The following ELN variants were observed in gnomAD, a reference collection of about 807,000 sequenced individuals.
ELN encodes the protein tropoelastin.
In ELN, 65 loss-of-function variants were observed where a neutral mutation model predicts 105.8. That is an observed-to-expected ratio of 0.61 (90% CI 0.50 to 0.75). The LOEUF (loss-of-function observed/expected upper bound fraction) is 0.75. Ranked by LOEUF, ELN falls within the 30% of genes least tolerant of loss-of-function variation. ELN has a pLI of 0.00. For missense variants in ELN, 882 were observed against 969.4 expected (o/e 0.91, Z 1.20); for synonymous variants, 368 against 389.2 (o/e 0.95, Z 0.64).
At chr7:74,060,744 C>T (rs917216759) in intron 25 of ELN, 3 of 1,122,574 alleles carry the variant, frequency 2.7e-6, no homozygotes, top group Non-Finnish European at 3.7e-6. Context: ...GGGCTCCAGA[C>T]TGAGAAAAAG....
chr7:74,065,827 C>T (rs1797812921), intron 30 of ELN, 95 bp downstream of exon 30: 1 of 1,610,100 alleles, frequency 6.2e-7, no homozygotes, highest in Non-Finnish European at 8.5e-7. Flanking sequence ...CTCCCTCTGG[C>T]TCCCCCTACC....
chr7:74,066,082 G>C (rs369025027), intron 31 of ELN, 85 bp downstream of exon 31: 1 of 1,589,448 alleles, frequency 6.3e-7, no homozygotes, highest in East Asian at 2.2e-5. Flanking sequence ...GGGACTCCCA[G>C]AGCCCATGTC....
intron 29 of ELN, among the ~76,000 whole-genome samples, chr7:74,064,231 C>T (rs1363870125): frequency 2.2e-4 from 33 of 150,424 alleles, no homozygotes; most frequent in South Asian, 8.4e-4. Context: ...CTGGCTAACA[C>T]AGTGAAACCC....
At chr7:74,065,056 T>G (rs1797631910) in intron 29 of ELN, among the ~76,000 whole-genome samples, 1 of 149,612 alleles carries the variant, frequency 6.7e-6, no homozygotes, top group Admixed American at 6.7e-5. Context: ...GCCTGGACAA[T>G]GTAGCAAGAC....
At position 74,057,387 on chromosome 7, in the gene ELN, G is replaced by A. The variant is rs370619098; in HGVS notation, c.1358-253G>A. The stretch of plus-strand genomic sequence containing the variant: ...AAAGTTCTCCACTCCCCGAGGTGCT[G>A]CAGGAGCAGGAGTGCTGGGTGGGCT... On this transcript the variant is annotated intron_variant, in intron 21 of 32. Transcript: ENST00000252034. The A allele has an allele frequency of 1.7e-3, 2,610 of 1,500,558 alleles. 1 individual carries two copies. Among genetic ancestry groups the A allele is most frequent in the Middle Eastern group, 2.5e-3 (14 of 5,590 alleles). The allele number at this position is 1,500,558 out of a possible 1,614,324, so 93.0% of individuals were successfully genotyped here.
chr7:74,060,568 A>C (rs782746441), intron 25 of ELN, 67 bp downstream of exon 25: 2 of 1,611,732 alleles, frequency 1.2e-6, no homozygotes, highest in South Asian at 2.2e-5. Context: ...TCCTCCTCTC[A>C]GCACCTCCCC....
chr7:74,057,772 C>G lies in ELN; in HGVS notation c.1414+76C>G. The stretch of plus-strand genomic sequence containing the variant: ...GTGCCCTGCTCTGGGGTCTGACCGC[C>G]CAGCTTCCTGTTCCTTTCCACCCCA... On this transcript the variant is annotated intron_variant, in intron 22 of 32. Coordinates refer to ENST00000252034, the MANE Select transcript of ELN (RefSeq NM_000501.4). 3 of 1,544,284 alleles carry G rather than the reference C, an allele frequency of 1.9e-6. No homozygotes were observed. In the South Asian group the frequency reaches 3.4e-5, roughly 17 times the overall value.
At chr7:74,043,055 C>A (rs1362161026) in intron 7 of ELN, 21 bp downstream of exon 7, 5 of 1,614,062 alleles carry the variant, frequency 3.1e-6, no homozygotes, top group African/African-American at 2.7e-5. Context: ...TATCCCCGAA[C>A]TCCCTGGGTC....
At chr7:74,037,641 G>C (rs528787990) in intron 3 of ELN, 66 bp from the exon 4 acceptor site, 1 of 1,583,110 alleles carries the variant, frequency 6.3e-7, no homozygotes, top group African/African-American at 1.3e-5. Context: ...CCCGGGTTGG[G>C]GGTTGGATAA....
intron 31 of ELN, 42 bp downstream of exon 31, chr7:74,066,039 C>T: frequency 6.2e-7 from 1 of 1,613,670 alleles, no homozygotes; most frequent in South Asian, 1.1e-5. Context: ...CAGCTCTGTC[C>T]CGATCTAGAG....
intron 1 of ELN, among the ~76,000 whole-genome samples, chr7:74,032,933 C>G (rs578198061): frequency 6.6e-6 from 1 of 152,310 alleles, no homozygotes; most frequent in South Asian, 2.1e-4. Context: ...CCCTGGGCCA[C>G]GGACTGTGCA....
chr7:74,033,783 C>A (rs1489917482), intron 1 of ELN, among the ~76,000 whole-genome samples: 2 of 152,236 alleles, frequency 1.3e-5, no homozygotes, highest in African/African-American at 4.8e-5. Context: ...CAGAGACACC[C>A]GTTCCCCCAG....
chr7:74,068,687 G>C lies in ELN; in HGVS notation c.2162G>C (p.Arg721Pro), dbSNP rs782197482. ...GCCTGCCTGGGGAAAGCTTGTGGCC[G>C]GAAGAGAAAATGAGCTTCCTAGGAC... ...GGACLGKACG[R>P]KRK is the part of the protein sequence containing the mutation. Residue 721 changes from arginine (R) to proline (P), a missense_variant, in exon 33 of 33, where the codon CGG becomes CCG. Coordinates refer to ENST00000252034, the MANE Select transcript of ELN (RefSeq NM_000501.4). 1.9e-6 allele frequency: 3 copies of C among 1,614,100 alleles called. No individual in the cohort carries two copies. The highest frequency in any genetic ancestry group is 2.2e-5 in the South Asian group (2 of 91,078).
chr7:74,063,337 C>CAGCCAA lies in ELN; in HGVS notation c.1890_1895dup (p.Lys631_Ala632dup). ...GCCGGACCCGCCGCCGCCGCTGCCG[C>CAGCCAA]AGCCAAAGCTGCTGCCAAAGCCGCC... On this transcript the variant is annotated inframe_insertion, in exon 28 of 33. Transcript: ENST00000252034. This position sits in a 1 kb window ranked among gnomAD's most constrained non-coding sequence, Gnocchi z 4.1. The CAGCCAA allele has an allele frequency of 6.4e-7, 1 of 1,550,772 alleles. No individual in the cohort carries two copies. Among genetic ancestry groups the CAGCCAA allele is most frequent in the South Asian group, 1.2e-5 (1 of 84,266 alleles).
At chr7:74,045,092 C>A (rs1423362633) in intron 9 of ELN, 130 bp from the exon 10 acceptor site, 1 of 990,448 alleles carries the variant, frequency 1.0e-6, no homozygotes, top group African/African-American at 1.6e-5. Flanking sequence ...CTCCACCCAC[C>A]CCGTGAGCCG....
intron 22 of ELN, 22 bp from the exon 23 acceptor site, chr7:74,059,864 T>C (rs782178900): frequency 9.6e-7 from 1 of 1,042,140 alleles, no homozygotes; most frequent in African/African-American, 1.6e-5. Context: ...TGGTTAATGA[T>C]CAGCTCTTCT....
At position 74,049,778 on chromosome 7, in the gene ELN, G is replaced by A. The variant is rs140844081; in HGVS notation, c.799+1222G>A. ...CATCCATCCATTCTTCCCTCTATCCGTCCACTCATCCATCCATTCCTCCAT... is the reference window on the plus strand; with the variant it reads ...CATCCATCCATTCTTCCCTCTATCCATCCACTCATCCATCCATTCCTCCAT... On this transcript the variant is annotated intron_variant, in intron 15 of 32. Coordinates refer to ENST00000252034, the MANE Select transcript of ELN (RefSeq NM_000501.4). Among the ~76,000 whole-genome samples, 920 of 107,970 alleles carry A rather than the reference G, an allele frequency of 8.5e-3. 6 individuals carry two copies. Among genetic ancestry groups the A allele is most frequent in the Non-Finnish European group, 0.011 (560 of 52,376 alleles). 70.8% of individuals were successfully genotyped at this position (107,970 alleles called of 152,430 possible). A position where few individuals can be genotyped will look rare whatever the true frequency, so the allele number is the denominator to read the frequency against.
chr7:74,037,072 C>T (rs960732615), intron 3 of ELN, among the ~76,000 whole-genome samples: 9 of 151,912 alleles, frequency 5.9e-5, no homozygotes, highest in East Asian at 3.9e-4. Context: ...CTGCCTGACT[C>T]GGCCTCTCAA....
rs1554677335 is a variant in ELN, at chr7:74,053,224, A to G, written c.1011A>G (p.Pro337=). The part of the protein sequence containing the change: ...PGFGPGVVGV[P]GAGVPGVGVP... ...TTGGCCCGGGAGTAGTTGGTGTCCC[A>G]GGAGCTGGCGTTCCAGGTGTTGGTG... is the stretch of plus-strand genomic sequence containing the variant. Residue 337 remains proline (P), a synonymous_variant, in exon 18 of 33, where the codon CCA becomes CCG. Transcript: ENST00000252034. 4 of 1,613,914 alleles carry G rather than the reference A, an allele frequency of 2.5e-6. No homozygotes were observed. The Admixed American group carries it at 6.7e-5, about 27-fold the overall frequency.
Sources: allele counts gnomAD v4.1 joint callset (sites outside exome capture counted in the v4.1 genomes callset), GRCh38; gene constraint gnomAD v4.1.1; non-coding constraint Gnocchi (gnomAD v3.1); transcripts MANE v1.5; gene names NCBI Gene and HGNC (gene_info 2026-07-23, HGNC 2026-07-21).